SLC14A2: variants seen among roughly 807,000 people sequenced by gnomAD.
The protein encoded by SLC14A2 is urea transporter 2.
In SLC14A2, 91 loss-of-function variants were observed where a neutral mutation model predicts 104.6. That is an observed-to-expected ratio of 0.87 (90% CI 0.73 to 1.04). The LOEUF (loss-of-function observed/expected upper bound fraction) is 1.04, where lower values mean the gene tolerates loss of function less well. Ranked by LOEUF, SLC14A2 falls within the 50% of genes least tolerant of loss-of-function variation. The pLI is 0.00. For synonymous variants in SLC14A2, 476 were observed against 466.4 expected (o/e 1.02, Z -0.27); for missense variants, 1,189 against 1,156.0 (o/e 1.03, Z -0.41).
chr18:45,436,839 G>T (rs12458076), intron 1 of SLC14A2: 53,413 of 151,830 alleles, frequency 0.35, 11,355 homozygotes, highest in Non-Finnish European at 0.47. Context: ...AGTAGAAAAG[G>T]TTAAAACCAA....
At chr18:45,276,670 C>T (rs2084706155) in intron 1 of SLC14A2, among the ~76,000 whole-genome samples, 1 of 152,142 alleles carries the variant, frequency 6.6e-6, no homozygotes, top group Non-Finnish European at 1.5e-5. Context: ...TTGGAACAAG[C>T]TTAAAGTAAA....
At chr18:45,270,170 G>T (rs2084636862) in intron 1 of SLC14A2, among the ~76,000 whole-genome samples, 1 of 152,166 alleles carries the variant, frequency 6.6e-6, no homozygotes, top group African/African-American at 2.4e-5. Flanking sequence ...GTCCACAGCA[G>T]AGTTGGACCC....
intron 2 of SLC14A2, among the ~76,000 whole-genome samples, chr18:45,514,634 T>C (rs549560129): frequency 6.6e-6 from 1 of 152,324 alleles, no homozygotes; most frequent in South Asian, 2.1e-4. Context: ...ACCTGACCTA[T>C]ATTCCTTGGT....
chr18:45,624,623 C>T lies in SLC14A2; in HGVS notation c.-34-8C>T. ...ACTCACTAGCTCTTTCCCTTTCCTT[C>T]CGTCTAGTCCATCGATAGAAGAGTG... is the stretch of plus-strand genomic sequence containing the variant. On this transcript the variant is annotated splice_region_variant and splice_polypyrimidine_tract_variant and intron_variant, in intron 1 of 19. Coordinates refer to ENST00000255226, the MANE Select transcript of SLC14A2 (RefSeq NM_007163.4). The T allele has an allele frequency of 1.3e-6, 2 of 1,577,982 alleles. No individual in the cohort carries two copies. The highest frequency in any genetic ancestry group is 1.7e-6 in the Non-Finnish European group (2 of 1,159,824).
chr18:45,384,096 C>A (rs2085868100), intron 1 of SLC14A2, among the ~76,000 whole-genome samples: 1 of 152,136 alleles, frequency 6.6e-6, no homozygotes, highest in Admixed American at 6.5e-5. Flanking sequence ...ATAGGCACTA[C>A]ACAGGAAAAT....
At chr18:45,664,383 G>A (rs2045980710) in intron 11 of SLC14A2, among the ~76,000 whole-genome samples, 1 of 152,202 alleles carries the variant, frequency 6.6e-6, no homozygotes, top group Non-Finnish European at 1.5e-5. Context: ...CCAGGAAGAG[G>A]GTATCCAAGG....
At chr18:45,185,281 G>T in the SLC14A2 span, among the ~76,000 whole-genome samples, 1 of 152,216 alleles carries the variant, frequency 6.6e-6, no homozygotes, top group Non-Finnish European at 1.5e-5. Context: ...GAACTTGGAG[G>T]TTGTGCACAC....
intron 1 of SLC14A2, among the ~76,000 whole-genome samples, chr18:45,315,867 G>A (rs944346850): frequency 1.3e-5 from 2 of 152,244 alleles, no homozygotes; most frequent in African/African-American, 4.8e-5. Flanking sequence ...GTAGCACACA[G>A]TGCCTTCAGA....
intron 1 of SLC14A2, among the ~76,000 whole-genome samples, chr18:45,235,616 T>C (rs1293858907): frequency 6.6e-6 from 1 of 151,832 alleles, no homozygotes; most frequent in Non-Finnish European, 1.5e-5. Flanking sequence ...TATTCTACTC[T>C]CTACTTTCTG....
In SLC14A2 at chr18:45,682,332, C is replaced by T. The variant is rs1234943400; in HGVS notation, c.2576C>T (p.Pro859Leu). The T allele has an allele frequency of 6.2e-7, 1 of 1,614,144 alleles. No individual in the cohort carries two copies. The highest frequency in any genetic ancestry group is 1.7e-5 in the Admixed American group (1 of 60,032). ...ANMLSVFGLPPCTWPFCLSAL... is the reference protein window; with the variant it reads ...ANMLSVFGLPLCTWPFCLSAL... ...CTTTCTCTCCAGTTTGGATTGCCGC[C>T]CTGCACTTGGCCCTTCTGTCTCTCA... The change falls in exon 20 of 20, where the codon CCC becomes CTC. Residue 859 changes from proline (P) to leucine (L), a missense_variant. Transcript: ENST00000255226.
At chr18:45,547,533 C>T (rs1045120680) in intron 2 of SLC14A2, among the ~76,000 whole-genome samples, 2 of 152,172 alleles carry the variant, frequency 1.3e-5, no homozygotes, top group African/African-American at 2.4e-5. Flanking sequence ...AGCTTCACTG[C>T]CTATGTTGGA....
At chr18:45,548,377 G>T (rs746496020) in intron 2 of SLC14A2, among the ~76,000 whole-genome samples, 1 of 152,028 alleles carries the variant, frequency 6.6e-6, no homozygotes, top group Non-Finnish European at 1.5e-5. Context: ...TTTTTGATTC[G>T]GGGAAAAGAG....
chr18:45,377,173 C>G (rs144867265), intron 1 of SLC14A2, among the ~76,000 whole-genome samples: 110 of 152,188 alleles, frequency 7.2e-4, no homozygotes, highest in African/African-American at 2.2e-3. Flanking sequence ...ACCTCTACTG[C>G]TGTTTAGTCT....
At chr18:45,205,999 G>T in the SLC14A2 span, among the ~76,000 whole-genome samples, 137,059 of 152,214 alleles carry the variant, frequency 0.9, 61,724 homozygotes, top group Middle Eastern at 0.93. Flanking sequence ...GGCTCTCAAT[G>T]TACTGTGAAT....
At chr18:45,437,142 C>G (rs748840075) in intron 1 of SLC14A2, among the ~76,000 whole-genome samples, 6 of 152,178 alleles carry the variant, frequency 3.9e-5, no homozygotes, top group Non-Finnish European at 7.4e-5. Flanking sequence ...CTGCTTTGCC[C>G]TTTATTTTCA....
chr18:45,357,046 A>G (rs542634800), intron 1 of SLC14A2, among the ~76,000 whole-genome samples: 1 of 152,234 alleles, frequency 6.6e-6, no homozygotes, highest in Non-Finnish European at 1.5e-5. Flanking sequence ...AATTAGGGTT[A>G]TATACATTCT....
At chr18:45,414,914 G>A (rs1409653132) in intron 1 of SLC14A2, among the ~76,000 whole-genome samples, 4 of 150,936 alleles carry the variant, frequency 2.7e-5, no homozygotes, top group Non-Finnish European at 5.9e-5. Flanking sequence ...TGCCCAGTGT[G>A]TTAATTTATT....
At chr18:45,316,061 C>A (rs1035484940) in intron 1 of SLC14A2, among the ~76,000 whole-genome samples, 3 of 152,166 alleles carry the variant, frequency 2.0e-5, no homozygotes, top group African/African-American at 7.2e-5. Context: ...TTCTCAGGGA[C>A]CCCAGAGGGA....
At chr18:45,533,332 C>CT (rs1195171704) in intron 2 of SLC14A2, among the ~76,000 whole-genome samples, 2 of 151,924 alleles carry the variant, frequency 1.3e-5, no homozygotes, top group Admixed American at 1.3e-4. Context: ...TGGTCCTGGA[C>CT]TTTTTTTGGT....
Sources: allele counts gnomAD v4.1 joint callset (sites outside exome capture counted in the v4.1 genomes callset), GRCh38; gene constraint gnomAD v4.1.1; transcripts MANE v1.5; gene names NCBI Gene and HGNC (gene_info 2026-07-23, HGNC 2026-07-21).